The following SPTBN4 variants were observed in gnomAD, a reference collection of about 807,000 sequenced individuals.
SPTBN4 encodes spectrin beta, non-erythrocytic 4, also known as spectrin beta chain, non-erythrocytic 4.
SPTBN4 carries 96 observed loss-of-function variants against 277.8 expected under a neutral mutation model. The ratio of observed to expected loss-of-function variants is 0.35; its 90% CI spans 0.29 to 0.41. SPTBN4 has a LOEUF of 0.41. Ranked by LOEUF, SPTBN4 falls within the 10% of genes least tolerant of loss-of-function variation. The probability of loss-of-function intolerance (pLI) is 1.00; values close to 1 mark genes in which losing one functional copy is unlikely to be tolerated. For synonymous variants in SPTBN4, 1,481 were observed against 1,580.3 expected, an observed-to-expected ratio of 0.94 and a Z score of 1.49; for missense variants, 3,006 against 3,595.7, an observed-to-expected ratio of 0.84 and a Z score of 4.19.
Position 40,490,279 on chromosome 19 carries a change from G to A in SPTBN4, c.495+31G>A, listed in dbSNP as rs1448218510. ...CCTCGAGTGGCCCCTGCCAAGCCCCGCAACATGGGACTTAGGAAAGCGTTC... is the reference window on the plus strand; with the variant it reads ...CCTCGAGTGGCCCCTGCCAAGCCCCACAACATGGGACTTAGGAAAGCGTTC... On this transcript the variant is annotated intron_variant, in intron 4 of 35. Transcript: ENST00000598249. This position sits in a 1 kb window ranked among gnomAD's most constrained non-coding sequence, Gnocchi z 4.3. 1.0e-5 allele frequency: 16 copies of A among 1,600,870 alleles called. No homozygotes were observed. The highest frequency in any genetic ancestry group is 9.0e-5 in the East Asian group (4 of 44,222).
intron 31 of SPTBN4, 25 bp downstream of exon 31, chr19:40,568,307 A>G (rs1252332210): frequency 1.3e-6 from 2 of 1,577,036 alleles, no homozygotes; most frequent in African/African-American, 1.4e-5. Flanking sequence ...TTATGACCAG[A>G]AAGTGAGGGG....
chr19:40,483,211 G>A (rs1161038386), intron 2 of SPTBN4, among the ~76,000 whole-genome samples: 1 of 152,060 alleles, frequency 6.6e-6, no homozygotes, highest in Admixed American at 6.6e-5. Flanking sequence ...GCAGAACCCA[G>A]TTGTCCTCAT....
chr19:40,473,958 A>G (rs747094276), intron 2 of SPTBN4, among the ~76,000 whole-genome samples: 12 of 151,390 alleles, frequency 7.9e-5, no homozygotes, highest in Non-Finnish European at 1.0e-4. Context: ...GTTCGCCAAC[A>G]TAGTGAAACC....
At position 40,560,794 on chromosome 19, in the gene SPTBN4, A is replaced by T. The variant is rs184775701; in HGVS notation, c.5915+391A>T. On this transcript the variant is annotated intron_variant, in intron 27 of 35. Transcript: ENST00000598249. This position sits in a 1 kb window ranked among gnomAD's most constrained non-coding sequence, Gnocchi z 5.2. ...ATTAGTGGGCATGGGCTTATTGCTCACATAGTGGTTGGATGTGAGTGTCCA... is the reference window on the plus strand; with the variant it reads ...ATTAGTGGGCATGGGCTTATTGCTCTCATAGTGGTTGGATGTGAGTGTCCA... 138 of 1,157,744 alleles carry T rather than the reference A, an allele frequency of 1.2e-4. 1 individual carries two copies. The African/African-American group carries it at 1.9e-3, about 16-fold the overall frequency. 71.7% of individuals were successfully genotyped at this position (1,157,744 alleles called of 1,614,324 possible). A position where few individuals can be genotyped will look rare whatever the true frequency, so the allele number is the denominator to read the frequency against.
In SPTBN4 at chr19:40,560,700, G is replaced by A; in HGVS notation, c.5915+297G>A. ...AACAGGCTAAAGACAGGATGGGCAA[G>A]GGAGGTGTGGGACTGTATTTGTGAG... On this transcript the variant is annotated intron_variant, in intron 27 of 35. Transcript: ENST00000598249. The surrounding 1 kb of genome is among the most constrained non-coding windows in gnomAD (Gnocchi z 5.2). 7.1e-7 allele frequency: 1 copy of A among 1,412,052 alleles called. No individual in the cohort carries two copies. 87.5% of individuals were successfully genotyped at this position (1,412,052 alleles called of 1,614,324 possible).
intron 18 of SPTBN4, chr19:40,530,458 C>T: frequency 1.0e-6 from 1 of 970,102 alleles, no homozygotes; most frequent in Non-Finnish European, 1.2e-6. Context: ...GGCCGCCGCG[C>T]GGGGGCGAGG....
rs748159055 is a variant in SPTBN4 at position 40,502,823 on chromosome 19, C to T, written c.1252C>T (p.Arg418Trp). 3.7e-6 allele frequency: 6 copies of T among 1,613,910 alleles called. No individual in the cohort carries two copies. The highest frequency in any genetic ancestry group is 3.3e-5 in the Admixed American group (2 of 59,994). ...TGAGCATGAGCGGGAGGCTGCCCTA[C>T]GGGCTGAGCTGATTCGGCAGGAGAA... is the stretch of plus-strand genomic sequence containing the variant. ...KAEHEREAALRAELIRQEKLE... is the reference protein window; with the variant it reads ...KAEHEREAALWAELIRQEKLE... The change falls in exon 11 of 36, where the codon CGG (arginine) becomes TGG (tryptophan). Residue 418 changes from arginine to tryptophan, a missense_variant. Arg to Trp is a moderately radical substitution (Grantham distance 101, BLOSUM62 -3). Transcript: ENST00000598249. The surrounding 1 kb of genome is among the most constrained non-coding windows in gnomAD (Gnocchi z 4.9).
Position 40,560,709 on chromosome 19 carries a change from G to T in SPTBN4, c.5915+306G>T. ...AAGACAGGATGGGCAAGGGAGGTGT[G>T]GGACTGTATTTGTGAGGGTGGGTGA... On this transcript the variant is annotated intron_variant, in intron 27 of 35. Coordinates refer to ENST00000598249, the MANE Select transcript of SPTBN4 (RefSeq NM_020971.3). This position sits in a 1 kb window ranked among gnomAD's most constrained non-coding sequence, Gnocchi z 5.2. The T allele has an allele frequency of 7.1e-7, 1 of 1,401,488 alleles. No homozygotes were observed. The highest frequency in any genetic ancestry group is 1.4e-5 in the African/African-American group (1 of 69,232). 86.8% of individuals were successfully genotyped at this position (1,401,488 alleles called of 1,614,324 possible). A position where few individuals can be genotyped will look rare whatever the true frequency, so the allele number is the denominator to read the frequency against.
intron 1 of SPTBN4, among the ~76,000 whole-genome samples, 158 bp downstream of exon 1, chr19:40,467,463 C>T (rs948831426): frequency 1.3e-5 from 2 of 152,170 alleles, no homozygotes; most frequent in Non-Finnish European, 2.9e-5. Flanking sequence ...ACCCCCCCAC[C>T]CGGTCTAGCT....
chr19:40,513,540 G>A lies in SPTBN4; in HGVS notation c.2751G>A (p.Glu917=), dbSNP rs2080419965. Reference sequence around the variant, plus strand: ...TGCCGGATTCACTCGACGACGTCGAGGTGGTGCAGCACCGGTGAGCGCGCA... The same window carrying A: ...TGCCGGATTCACTCGACGACGTCGAAGTGGTGCAGCACCGGTGAGCGCGCA... ...MRVPDSLDDV[E]VVQHRFESLD... Residue 917 remains glutamate, a synonymous_variant, in exon 14 of 36, where the codon GAG becomes GAA. Coordinates refer to ENST00000598249, the MANE Select transcript of SPTBN4 (RefSeq NM_020971.3). 1.9e-6 allele frequency: 3 copies of A among 1,581,006 alleles called. No individual in the cohort carries two copies. Among genetic ancestry groups the A allele is most frequent in the African/African-American group, 1.3e-5 (1 of 74,440 alleles).
intron 18 of SPTBN4, among the ~76,000 whole-genome samples, chr19:40,529,713 A>G (rs2080640792): frequency 1.3e-5 from 2 of 152,086 alleles, no homozygotes; most frequent in African/African-American, 4.8e-5. Context: ...TGCATTCCAT[A>G]GAAACGATTC....
chr19:40,472,571 T>C, intron 1 of SPTBN4, 36 bp from the exon 2 acceptor site: 2 of 1,539,396 alleles, frequency 1.3e-6, no homozygotes, highest in Non-Finnish European at 1.8e-6. Context: ...AAATGAGACT[T>C]GATCCTAGAC....
intron 2 of SPTBN4, among the ~76,000 whole-genome samples, chr19:40,474,393 C>T (rs903574298): frequency 6.6e-6 from 1 of 151,392 alleles, no homozygotes; most frequent in Non-Finnish European, 1.5e-5. Flanking sequence ...CACCGAAACT[C>T]TCAGCCTTGG....
intron 20 of SPTBN4, among the ~76,000 whole-genome samples, chr19:40,543,170 G>A (rs2080820402): frequency 6.6e-6 from 1 of 152,072 alleles, no homozygotes; most frequent in South Asian, 2.1e-4. Flanking sequence ...GGGGAGAGTG[G>A]CCGGGCACAG....
intron 27 of SPTBN4, among the ~76,000 whole-genome samples, chr19:40,561,758 G>A (rs1449822124): frequency 6.6e-6 from 1 of 151,068 alleles, no homozygotes; most frequent in African/African-American, 2.4e-5. Flanking sequence ...GGAGGTGGAG[G>A]TCACAGTGAG....
At chr19:40,563,906 G>T (rs146535462) in intron 27 of SPTBN4, among the ~76,000 whole-genome samples, 5 of 151,796 alleles carry the variant, frequency 3.3e-5, no homozygotes, top group Middle Eastern at 3.4e-3. Context: ...AATTAGCCAG[G>T]CTTGGTGGCG....
Position 40,547,203 on chromosome 19 carries a change from C to T in SPTBN4, c.4360-1986C>T, listed in dbSNP as rs898257710. On this transcript the variant is annotated intron_variant, in intron 20 of 35. Coordinates refer to ENST00000598249, the MANE Select transcript of SPTBN4 (RefSeq NM_020971.3). The stretch of plus-strand genomic sequence containing the variant: ...CCTCCCCCCACCCCATGACAGGCCC[C>T]GGTGTGTGATGTTCCCTGCCCTGTG... 7.7e-5 allele frequency among the ~76,000 whole-genome samples: 10 copies of T among 129,462 alleles called. No homozygotes were observed. In the South Asian group the frequency reaches 1.2e-3, roughly 16 times the overall value. The allele number at this position is 129,462 out of a possible 152,430, so 84.9% of individuals were successfully genotyped here.
At chr19:40,539,996 GCTCACTGCAACC>G (rs1355252872) in intron 20 of SPTBN4, among the ~76,000 whole-genome samples, 2 of 151,420 alleles carry the variant, frequency 1.3e-5, no homozygotes, top group East Asian at 3.9e-4. Context: ...CACAATCTCG[GCTCACTGCAACC>G]CTCTGCCTCC....
At position 40,554,915 on chromosome 19, in the gene SPTBN4, G is replaced by A; in HGVS notation, c.5084+269G>A. The A allele has an allele frequency of 2.3e-6, 1 of 432,146 alleles. No individual in the cohort carries two copies. 26.8% of individuals were successfully genotyped at this position (432,146 alleles called of 1,614,324 possible). A position where few individuals can be genotyped will look rare whatever the true frequency, so the allele number is the denominator to read the frequency against. ...AAAAGAGTAGGCGATGTCTAGGACT[G>A]GGGTAGAGAAGAATTTACTCAGGAC... On this transcript the variant is annotated intron_variant, in intron 24 of 35. Coordinates refer to ENST00000598249, the MANE Select transcript of SPTBN4 (RefSeq NM_020971.3). This position sits in a 1 kb window ranked among gnomAD's most constrained non-coding sequence, Gnocchi z 5.7.
Sources: gnomAD v4.1 joint callset for allele counts (sites outside exome capture counted in the v4.1 genomes callset) on GRCh38, gnomAD v4.1.1 for gene constraint, Gnocchi (gnomAD v3.1) non-coding constraint, MANE v1.5 for transcripts, NCBI Gene and HGNC (gene_info 2026-07-23, HGNC 2026-07-21) for gene names.